The following ANKS1B variants were observed in gnomAD, a reference collection of about 807,000 sequenced individuals.
ANKS1B encodes ankyrin repeat and sterile alpha motif domain containing 1B, also known as ankyrin repeat and sterile alpha motif domain-containing protein 1B.
ANKS1B carries 36 observed loss-of-function variants against 148.3 expected under a neutral mutation model. The ratio of observed to expected loss-of-function variants is 0.24; its 90% confidence interval spans 0.19 to 0.32. ANKS1B has a LOEUF of 0.32. ANKS1B is among the 10% of genes least tolerant of loss of function. The probability of loss-of-function intolerance (pLI) is 1.00; values close to 1 mark genes in which losing one functional copy is unlikely to be tolerated. For missense variants in ANKS1B, 1,157 were observed against 1,542.6 expected, an observed-to-expected ratio of 0.75 and a Z score of 4.19; for synonymous variants, 542 against 560.8, an observed-to-expected ratio of 0.97 and a Z score of 0.47.
chr12:99,355,357 G>A (rs1180702293), intron 12 of ANKS1B, among the ~76,000 whole-genome samples: 1 of 152,002 alleles, frequency 6.6e-6, no homozygotes, highest in Non-Finnish European at 1.5e-5. Context: ...CTTCAGATCT[G>A]CAATTTGAAG....
At chr12:98,852,582 G>A (rs572063033) in intron 17 of ANKS1B, among the ~76,000 whole-genome samples, 1 of 152,256 alleles carries the variant, frequency 6.6e-6, no homozygotes, top group East Asian at 1.9e-4. Flanking sequence ...CATGGGCACT[G>A]AGCTGGGTGT....
At chr12:98,773,846 A>G (rs1024832981) in intron 24 of ANKS1B, among the ~76,000 whole-genome samples, 4 of 152,166 alleles carry the variant, frequency 2.6e-5, no homozygotes, top group African/African-American at 9.7e-5. Context: ...CTTTCTGCTA[A>G]TTCTGTATGG....
chr12:98,800,694 C>CATATAT (rs2098997714), intron 21 of ANKS1B, among the ~76,000 whole-genome samples: 2 of 90,808 alleles, frequency 2.2e-5, no homozygotes, highest in Non-Finnish European at 4.6e-5. Context: ...ATATATATGC[C>CATATAT]ATATTTACAC....
chr12:99,525,790 C>A (rs12301191), intron 9 of ANKS1B, among the ~76,000 whole-genome samples: 5,254 of 152,008 alleles, frequency 0.035, 306 homozygotes, highest in African/African-American at 0.12. Context: ...AAGCTACAAC[C>A]AGACACATAA....
At chr12:99,173,043 C>A (rs994722356) in intron 14 of ANKS1B, among the ~76,000 whole-genome samples, 12 of 152,140 alleles carry the variant, frequency 7.9e-5, no homozygotes, top group African/African-American at 2.9e-4. Flanking sequence ...TCCATGAAAT[C>A]TGTGATTTTG....
At chr12:98,873,587 C>G (rs999648032) in intron 17 of ANKS1B, among the ~76,000 whole-genome samples, 1 of 152,150 alleles carries the variant, frequency 6.6e-6, no homozygotes, top group Non-Finnish European at 1.5e-5. Context: ...ACCTTGACAA[C>G]CTGAAAAGGT....
chr12:99,338,095 T>C (rs2089273248), intron 12 of ANKS1B, among the ~76,000 whole-genome samples: 1 of 152,150 alleles, frequency 6.6e-6, no homozygotes, highest in African/African-American at 2.4e-5. Context: ...CCAGACAGGC[T>C]TGTGTACTTC....
chr12:99,666,965 T>C (rs764722224), intron 8 of ANKS1B, among the ~76,000 whole-genome samples: 5 of 151,910 alleles, frequency 3.3e-5, no homozygotes, highest in Non-Finnish European at 7.4e-5. Flanking sequence ...TAACTATAGT[T>C]ACCATGCTAT....
chr12:99,491,489 T>C (rs1239499230), intron 10 of ANKS1B, among the ~76,000 whole-genome samples: 1 of 152,126 alleles, frequency 6.6e-6, no homozygotes, highest in Non-Finnish European at 1.5e-5. Context: ...ATCACTCAAG[T>C]ACTAAACCTA....
chr12:99,226,750 G>A (rs2086001720), intron 14 of ANKS1B, among the ~76,000 whole-genome samples: 1 of 152,150 alleles, frequency 6.6e-6, no homozygotes, highest in Non-Finnish European at 1.5e-5. Context: ...ACCAAAGGAA[G>A]ACTAAGAACT....
At chr12:99,621,211 T>C (rs2153372971) in intron 9 of ANKS1B, among the ~76,000 whole-genome samples, 1 of 152,246 alleles carries the variant, frequency 6.6e-6, no homozygotes, top group African/African-American at 2.4e-5. Flanking sequence ...TGGAATTTAT[T>C]ACCACTAGAC....
intron 9 of ANKS1B, among the ~76,000 whole-genome samples, chr12:99,555,517 A>G (rs372221700): frequency 4.5e-4 from 68 of 152,244 alleles, no homozygotes; most frequent in African/African-American, 1.5e-3. Context: ...GTCTTGTTTC[A>G]GTTCTCAAGG....
At chr12:98,790,517 CT>C (rs1235655581) in intron 22 of ANKS1B, among the ~76,000 whole-genome samples, 1 of 152,060 alleles carries the variant, frequency 6.6e-6, no homozygotes, top group East Asian at 1.9e-4. Context: ...AGATGGGGGT[CT>C]TATTGTGTTG....
chr12:99,648,474 T>C lies in ANKS1B; in HGVS notation c.1272+6593A>G, dbSNP rs1340254541. On this transcript the variant is annotated intron_variant, in intron 9 of 26. Transcript: ENST00000683438. ...CTGCTGTCTGTGACAATGCCAGGTG[T>C]GGTCCTGCCACCCAGAAAAGAGAAA... The C allele has an allele frequency of 1.9e-6, 3 of 1,614,146 alleles. No homozygotes were observed. In the South Asian group the frequency reaches 3.3e-5, roughly 18 times the overall value.
intron 17 of ANKS1B, among the ~76,000 whole-genome samples, chr12:98,841,448 T>C (rs1181659095): frequency 6.6e-6 from 1 of 152,068 alleles, no homozygotes; most frequent in Non-Finnish European, 1.5e-5. Context: ...TATAACACCC[T>C]CCATCAGCAG....
intron 9 of ANKS1B, among the ~76,000 whole-genome samples, chr12:99,646,652 CAAAAAAAAAAAAAA>C (rs35481645): frequency 7.8e-4 from 28 of 35,906 alleles, no homozygotes; most frequent in African/African-American, 2.0e-3. Flanking sequence ...GACTCCATCT[CAAAAAAAAAAAAAA>C]AAAAAAAAAA....
At chr12:99,139,166 A>ATCAATCTT (rs1555293378) in intron 15 of ANKS1B, among the ~76,000 whole-genome samples, 4 of 148,832 alleles carry the variant, frequency 2.7e-5, no homozygotes, top group African/African-American at 1.0e-4. Context: ...CAGCTAATCA[A>ATCAATCTT]TCTTTCTTTC....
chr12:98,884,244 T>A (rs11109648), intron 17 of ANKS1B, among the ~76,000 whole-genome samples: 15,118 of 152,298 alleles, frequency 0.099, 1,234 homozygotes, highest in East Asian at 0.36. Context: ...ATATTTTCTC[T>A]GAGTTACATT....
chr12:99,114,589 TAA>T (rs1281051750), intron 15 of ANKS1B, among the ~76,000 whole-genome samples: 1 of 151,926 alleles, frequency 6.6e-6, no homozygotes, highest in East Asian at 1.9e-4. Context: ...CCATCTCTAC[TAA>T]AAATACAAAA....
Sources: allele counts gnomAD v4.1 joint callset (sites outside exome capture counted in the v4.1 genomes callset), GRCh38; gene constraint gnomAD v4.1.1; transcripts MANE v1.5; gene names NCBI Gene and HGNC (gene_info 2026-07-23, HGNC 2026-07-21).